MB21D2: variants seen among roughly 807,000 people sequenced by gnomAD.
MB21D2 encodes the protein nucleotidyltransferase MB21D2.
MB21D2 carries 9 observed loss-of-function variants against 33.3 expected under a neutral mutation model. The observed-to-expected ratio is 0.27, with a 90% CI of 0.16 to 0.47. The LOEUF (loss-of-function observed/expected upper bound fraction) is 0.47, where lower values mean the gene tolerates loss of function less well. Ranked by LOEUF, MB21D2 falls within the 20% of genes least tolerant of loss-of-function variation. The probability of loss-of-function intolerance (pLI) is 0.99; values close to 1 mark genes in which losing one functional copy is unlikely to be tolerated. For missense variants in MB21D2, 540 were observed against 624.6 expected (o/e 0.86, Z 1.44); for synonymous variants, 241 against 236.3 (o/e 1.02, Z -0.18).
chr3:192,854,072 T>C (rs1459615780), intron 1 of MB21D2, among the ~76,000 whole-genome samples: 1 of 152,200 alleles, frequency 6.6e-6, no homozygotes, highest in Admixed American at 6.5e-5. Flanking sequence ...GGCCTCTAAG[T>C]GTTCAAGTGA....
intron 1 of MB21D2, among the ~76,000 whole-genome samples, chr3:192,879,937 G>A (rs562161782): frequency 7.6e-4 from 116 of 152,210 alleles, no homozygotes; most frequent in African/African-American, 2.6e-3. Context: ...TCTGAGAAGA[G>A]GAATGGACTG....
At chr3:192,837,021 C>T (rs1415578239) in intron 1 of MB21D2, among the ~76,000 whole-genome samples, 1 of 152,052 alleles carries the variant, frequency 6.6e-6, no homozygotes. Context: ...CATCAAAGAC[C>T]ATACCCAGGG....
At chr3:192,906,694 A>T (rs1319402832) in intron 1 of MB21D2, among the ~76,000 whole-genome samples, 2 of 152,188 alleles carry the variant, frequency 1.3e-5, no homozygotes, top group Non-Finnish European at 2.9e-5. Context: ...GTTTACTTGC[A>T]TGCTTAATTT....
At position 192,799,214 on chromosome 3, in the gene MB21D2, A is replaced by AT. The variant is rs748185381; in HGVS notation, c.647dup (p.Asn216LysfsTer14). Reference sequence around the variant, plus strand: ...CCAGAATGATGGAGATGATGGTCCCATTTTTTTCCACCTTTTCTACCTTTG... The same window carrying AT: ...CCAGAATGATGGAGATGATGGTCCCATTTTTTTTCCACCTTTTCTACCTTTG... On this transcript the variant is annotated frameshift_variant, in exon 2 of 2. Transcript: ENST00000392452. LOFTEE classifies it high-confidence loss of function. This position sits in a 1 kb window ranked among gnomAD's most constrained non-coding sequence, Gnocchi z 4.1. The AT allele has an allele frequency of 3.7e-6, 6 of 1,613,988 alleles. No individual in the cohort carries two copies. Among genetic ancestry groups the AT allele is most frequent in the East Asian group, 2.2e-5 (1 of 44,890 alleles).
chr3:192,913,385 G>A (rs759131778), intron 1 of MB21D2, among the ~76,000 whole-genome samples: 3 of 152,284 alleles, frequency 2.0e-5, no homozygotes, highest in South Asian at 2.1e-4. Flanking sequence ...GTGACAGAGC[G>A]AGACCCTGTC....
At chr3:192,832,708 T>C (rs1712345111) in intron 1 of MB21D2, among the ~76,000 whole-genome samples, 1 of 152,102 alleles carries the variant, frequency 6.6e-6, no homozygotes, top group Non-Finnish European at 1.5e-5. Flanking sequence ...GAGAATCACT[T>C]GGACCCGGGA....
intron 1 of MB21D2, among the ~76,000 whole-genome samples, chr3:192,801,919 T>A (rs1711569265): frequency 6.6e-6 from 1 of 152,228 alleles, no homozygotes; most frequent in Admixed American, 6.5e-5. Flanking sequence ...CACAGAAATA[T>A]GGCAAGTTAT....
At chr3:192,914,803 A>G (rs1374670558) in intron 1 of MB21D2, among the ~76,000 whole-genome samples, 1 of 152,130 alleles carries the variant, frequency 6.6e-6, no homozygotes, top group Admixed American at 6.5e-5. Flanking sequence ...TCAACCCCAC[A>G]GCCTGTGCAG....
intron 1 of MB21D2, among the ~76,000 whole-genome samples, chr3:192,914,725 A>G (rs1357866168): frequency 6.6e-6 from 1 of 151,990 alleles, no homozygotes; most frequent in African/African-American, 2.4e-5. Flanking sequence ...AAAAAATCAG[A>G]ATCTCTGTAC....
chr3:192,895,033 T>A (rs866173404), intron 1 of MB21D2, among the ~76,000 whole-genome samples: 10 of 143,104 alleles, frequency 7.0e-5, no homozygotes, highest in African/African-American at 2.5e-4. Flanking sequence ...CCTCTCCACA[T>A]AACCAGCCAG....
intron 1 of MB21D2, among the ~76,000 whole-genome samples, chr3:192,803,037 T>C (rs982402817): frequency 6.6e-6 from 1 of 152,212 alleles, no homozygotes; most frequent in Non-Finnish European, 1.5e-5. Context: ...TCAGGGTAAC[T>C]TGTGCATTAA....
chr3:192,873,536 C>A (rs73201154), intron 1 of MB21D2, among the ~76,000 whole-genome samples: 2,418 of 152,198 alleles, frequency 0.016, 28 homozygotes, highest in Middle Eastern at 0.027. Flanking sequence ...CCGCAACCTT[C>A]CCTTCATCCC....
intron 1 of MB21D2, among the ~76,000 whole-genome samples, chr3:192,909,191 G>A (rs1714283655): frequency 6.6e-6 from 1 of 151,724 alleles, no homozygotes; most frequent in Admixed American, 6.6e-5. Flanking sequence ...GGGAGGCGGA[G>A]CTTGCAGTGA....
intron 1 of MB21D2, among the ~76,000 whole-genome samples, chr3:192,848,901 G>A (rs34931225): frequency 0.12 from 18,398 of 152,180 alleles, 1,154 homozygotes; most frequent in African/African-American, 0.15. Context: ...CTGATGGACC[G>A]AAGAGAAGAA....
At chr3:192,878,074 TC>T (rs1713474721) in intron 1 of MB21D2, among the ~76,000 whole-genome samples, 1 of 148,440 alleles carries the variant, frequency 6.7e-6, no homozygotes, top group African/African-American at 2.5e-5. Flanking sequence ...TTCAAACAAT[TC>T]CTCCTCTTTT....
intron 1 of MB21D2, among the ~76,000 whole-genome samples, chr3:192,881,052 T>C (rs1402973618): frequency 6.6e-6 from 1 of 152,116 alleles, no homozygotes; most frequent in East Asian, 1.9e-4. Flanking sequence ...GATCTGGATG[T>C]TCCAAAAATT....
intron 1 of MB21D2, among the ~76,000 whole-genome samples, chr3:192,832,023 A>AG (rs1323258071): frequency 2.6e-5 from 4 of 152,184 alleles, no homozygotes; most frequent in Non-Finnish European, 5.9e-5. Context: ...CCCAGCTGAG[A>AG]GGAAAAAAAA....
At chr3:192,807,857 A>G (rs1053822697) in intron 1 of MB21D2, among the ~76,000 whole-genome samples, 2 of 152,170 alleles carry the variant, frequency 1.3e-5, no homozygotes, top group African/African-American at 4.8e-5. Context: ...TAATTCTATC[A>G]ATCAGGACAG....
chr3:192,813,084 T>C (rs949961424), intron 1 of MB21D2, among the ~76,000 whole-genome samples: 3 of 152,122 alleles, frequency 2.0e-5, no homozygotes, highest in Non-Finnish European at 2.9e-5. Flanking sequence ...CCCAGGCCTA[T>C]TTACTTTGAG....
Sources: gnomAD v4.1 joint callset for allele counts (sites outside exome capture counted in the v4.1 genomes callset) on GRCh38, gnomAD v4.1.1 for gene constraint, Gnocchi (gnomAD v3.1) non-coding constraint, MANE v1.5 for transcripts, NCBI Gene and HGNC (gene_info 2026-07-23, HGNC 2026-07-21) for gene names.